CSMD2: variants seen among roughly 807,000 people sequenced by gnomAD.
CSMD2 encodes CUB and Sushi multiple domains 2, also known as CUB and sushi domain-containing protein 2.
In CSMD2, 130 loss-of-function variants were observed where a neutral mutation model predicts 398.5. The observed-to-expected ratio is 0.33, with a 90% CI of 0.28 to 0.38. The LOEUF is 0.38. Ranked by LOEUF, CSMD2 falls within the 10% of genes least tolerant of loss-of-function variation. The pLI is 1.00. For missense variants in CSMD2, 3,829 were observed against 4,764.9 expected (o/e 0.80, Z 5.78); for synonymous variants, 1,828 against 1,908.5 (o/e 0.96, Z 1.10).
intron 2 of CSMD2, among the ~76,000 whole-genome samples, chr1:34,078,865 A>G (rs887126391): frequency 5.3e-5 from 8 of 152,228 alleles, no homozygotes; most frequent in African/African-American, 1.9e-4. Context: ...CAAGGCAGAC[A>G]CTGCGGAGTC....
chr1:34,020,743 A>G (rs537359032), intron 3 of CSMD2, among the ~76,000 whole-genome samples: 1 of 152,196 alleles, frequency 6.6e-6, no homozygotes, highest in South Asian at 2.1e-4. Flanking sequence ...TTATCTGTAA[A>G]ATGGGGATCC....
chr1:33,733,520 G>C (rs1180162029), intron 15 of CSMD2, among the ~76,000 whole-genome samples: 1 of 152,168 alleles, frequency 6.6e-6, no homozygotes, highest in African/African-American at 2.4e-5. Flanking sequence ...CAATGGGGCA[G>C]TGGATGTTGA....
At chr1:34,002,602 G>A (rs573242208) in intron 3 of CSMD2, among the ~76,000 whole-genome samples, 6 of 152,302 alleles carry the variant, frequency 3.9e-5, no homozygotes, top group Non-Finnish European at 7.4e-5. Flanking sequence ...ACAAAGTCTC[G>A]TTGCATGCTA....
intron 16 of CSMD2, 93 bp downstream of exon 16, chr1:33,726,454 G>C (rs1646532650): frequency 1.4e-6 from 2 of 1,412,372 alleles, no homozygotes. Flanking sequence ...TTCAGCGTTG[G>C]TACTGGTCCC....
chr1:33,579,670 CT>C (rs1032251571), intron 48 of CSMD2, among the ~76,000 whole-genome samples: 5 of 149,982 alleles, frequency 3.3e-5, no homozygotes, highest in African/African-American at 7.4e-5. Flanking sequence ...AACCAAGATT[CT>C]TTTTTTTTAA....
chr1:33,758,008 G>T (rs78391886), intron 13 of CSMD2, among the ~76,000 whole-genome samples: 2,918 of 152,226 alleles, frequency 0.019, 38 homozygotes, highest in South Asian at 0.031. Flanking sequence ...TGTTACATCC[G>T]TGCTTGGGAC....
chr1:34,042,817 T>G (rs1409183824), intron 2 of CSMD2, among the ~76,000 whole-genome samples: 2 of 152,192 alleles, frequency 1.3e-5, no homozygotes, highest in African/African-American at 2.4e-5. Flanking sequence ...AGAAGGAGTC[T>G]CGCTCTGTGG....
intron 21 of CSMD2, 60 bp downstream of exon 21, chr1:33,714,527 A>G: frequency 6.4e-7 from 1 of 1,563,824 alleles, no homozygotes; most frequent in Non-Finnish European, 8.7e-7. Context: ...CCTCACATCA[A>G]TTGACTATAA....
intron 52 of CSMD2, among the ~76,000 whole-genome samples, chr1:33,568,093 CCCA>C (rs1659227367): frequency 6.6e-6 from 1 of 152,042 alleles, no homozygotes; most frequent in East Asian, 1.9e-4. Context: ...AGGATCATCC[CCCA>C]CTTTTTCTTA....
chr1:34,082,235 C>T (rs1235252556), intron 2 of CSMD2, among the ~76,000 whole-genome samples: 1 of 150,996 alleles, frequency 6.6e-6, no homozygotes. Context: ...AGCGCCTCTG[C>T]CCGGCCGCGA....
chr1:33,862,154 C>T (rs1193489826), intron 5 of CSMD2: 1 of 152,172 alleles, frequency 6.6e-6, no homozygotes, highest in Non-Finnish European at 1.5e-5. Context: ...CTAAGCTCCC[C>T]TAAACAAGGA....
chr1:33,947,810 T>C (rs1029156254), intron 3 of CSMD2, among the ~76,000 whole-genome samples: 4 of 152,238 alleles, frequency 2.6e-5, no homozygotes, highest in African/African-American at 9.6e-5. Context: ...ACCACTTCTA[T>C]GACAAACTTC....
chr1:34,016,043 G>GTGTA (rs1553281940), intron 3 of CSMD2, among the ~76,000 whole-genome samples: 2 of 149,846 alleles, frequency 1.3e-5, no homozygotes, highest in African/African-American at 4.9e-5. Context: ...GTGTGTGTGT[G>GTGTA]TATGTGTGTA....
At chr1:33,580,682 G>A (rs974098673) in intron 48 of CSMD2, 71 bp downstream of exon 48, 14 of 1,555,670 alleles carry the variant, frequency 9.0e-6, no homozygotes, top group Middle Eastern at 1.9e-4. Context: ...ATGGCCGCCC[G>A]GTCTCCACAG....
chr1:33,588,660 CG>C (rs1369476219), intron 44 of CSMD2, among the ~76,000 whole-genome samples: 1 of 152,206 alleles, frequency 6.6e-6, no homozygotes, highest in African/African-American at 2.4e-5. Context: ...TAAAACATCA[CG>C]ATCACCCAAC....
At chr1:33,742,478 T>C (rs1461784299) in intron 14 of CSMD2, among the ~76,000 whole-genome samples, 1 of 152,120 alleles carries the variant, frequency 6.6e-6, no homozygotes, top group Non-Finnish European at 1.5e-5. Context: ...ACTTGACTGT[T>C]TGTCATCAGC....
chr1:34,081,672 G>A (rs1011905988), intron 2 of CSMD2, among the ~76,000 whole-genome samples: 9 of 152,158 alleles, frequency 5.9e-5, no homozygotes, highest in Non-Finnish European at 1.0e-4. Flanking sequence ...TGCCCGCCTC[G>A]GCCTCCCGAG....
chr1:33,905,738 TAG>T (rs1643048824), intron 5 of CSMD2, among the ~76,000 whole-genome samples: 1 of 152,056 alleles, frequency 6.6e-6, no homozygotes, highest in Admixed American at 6.6e-5. Context: ...GAGATACATA[TAG>T]TAGGGAAATT....
Position 33,577,503 on chromosome 1 carries a change from T to G in CSMD2, c.7388-19A>C, listed in dbSNP as rs1405873159. The G allele has an allele frequency of 6.3e-7, 1 of 1,587,754 alleles. No individual in the cohort carries two copies. The highest frequency in any genetic ancestry group is 1.3e-5 in the African/African-American group (1 of 74,528). On this transcript the variant is annotated intron_variant, in intron 48 of 70. Coordinates refer to ENST00000373381, the MANE Select transcript of CSMD2 (RefSeq NM_001281956.2). ...TAAGGGGCTGAACAACAAGATGAGG[T>G]TCAGGGAACTGGCACCAGCAGGAAG...
Sources: allele counts gnomAD v4.1 joint callset (sites outside exome capture counted in the v4.1 genomes callset), GRCh38; gene constraint gnomAD v4.1.1; transcripts MANE v1.5; gene names NCBI Gene and HGNC (gene_info 2026-07-23, HGNC 2026-07-21).